Variants in PCDHGA9 observed in about 807,000 individuals in gnomAD.
PCDHGA9 encodes the protein protocadherin gamma-A9.
In PCDHGA9, 37 loss-of-function variants were observed where a neutral mutation model predicts 62.5. The ratio of observed to expected loss-of-function variants is 0.59; its 90% CI spans 0.46 to 0.78. The LOEUF is 0.78. Ranked by LOEUF, PCDHGA9 falls within the 30% of genes least tolerant of loss-of-function variation. The pLI is 0.00. For missense variants in PCDHGA9, 1,138 were observed against 1,166.2 expected (o/e 0.98, Z 0.35); for synonymous variants, 459 against 484.6 (o/e 0.95, Z 0.69).
intron 1 of PCDHGA9, among the ~76,000 whole-genome samples, chr5:141,465,063 C>T (rs187265709): frequency 8.5e-4 from 129 of 151,534 alleles, no homozygotes; most frequent in South Asian, 1.3e-3. Context: ...TTTGAATTGT[C>T]TGTTCATGTC....
rs61612330 is a variant in PCDHGA9, at chr5:141,454,796, A to ATTTTTTTTTTTT, written c.2425-39993_2425-39982dup. Among the ~76,000 whole-genome samples, 573 of 77,460 alleles carry ATTTTTTTTTTTT rather than the reference A, an allele frequency of 7.4e-3. 68 individuals carry two copies. Among genetic ancestry groups the ATTTTTTTTTTTT allele is most frequent in the Non-Finnish European group, 9.0e-3 (384 of 42,814 alleles). The allele number at this position is 77,460 out of a possible 152,430, so 50.8% of individuals were successfully genotyped here. A position where few individuals can be genotyped will look rare whatever the true frequency, so the allele number is the denominator to read the frequency against. On this transcript the variant is annotated intron_variant, in intron 1 of 3. Coordinates refer to ENST00000573521, the MANE Select transcript of PCDHGA9 (RefSeq NM_018921.3). ...AAGGAAATAATCCTCCATGGTTCTA[A>ATTTTTTTTTTTT]TTTTTTTTTTTTTTTTTTTTTTTTT...
In PCDHGA9 at chr5:141,432,645, C is replaced by T. The variant is rs758701539; in HGVS notation, c.2424+27269C>T. On this transcript the variant is annotated intron_variant, in intron 1 of 3. Coordinates refer to ENST00000573521, the MANE Select transcript of PCDHGA9 (RefSeq NM_018921.3). The surrounding 1 kb of genome is among the most constrained non-coding windows in gnomAD (Gnocchi z 6.0). Reference sequence around the variant, plus strand: ...CTGCACACGGGCGAGGTGCGCACGGCGCGAGCCCTGCTGGACAGAGACGCG... The same window carrying T: ...CTGCACACGGGCGAGGTGCGCACGGTGCGAGCCCTGCTGGACAGAGACGCG... 1 of 1,613,746 alleles carries T rather than the reference C, an allele frequency of 6.2e-7. No homozygotes were observed. Among genetic ancestry groups the T allele is most frequent in the Admixed American group, 1.7e-5 (1 of 60,006 alleles).
At chr5:141,428,185 G>T (rs775261215) in intron 1 of PCDHGA9, 286 of 1,446,232 alleles carry the variant, frequency 2.0e-4, no homozygotes, top group Non-Finnish European at 2.5e-4. Context: ...GAGGACAGCC[G>T]CCGCTCTCTG....
At chr5:141,456,968 AAAAC>A (rs202005606) in intron 1 of PCDHGA9, among the ~76,000 whole-genome samples, 2,421 of 152,270 alleles carry the variant, frequency 0.016, 37 homozygotes, top group Non-Finnish European at 0.025. Context: ...ATCTCAAAAC[AAAAC>A]AAACAAACAA....
In PCDHGA9 at chr5:141,431,766, C is replaced by T. The variant is rs1474420822; in HGVS notation, c.2424+26390C>T. Reference sequence around the variant, plus strand: ...TCTGCGCGAGCCAAAGTCCTGATCACTGTTCTGGACGTGAACGACAATGCC... The same window carrying T: ...TCTGCGCGAGCCAAAGTCCTGATCATTGTTCTGGACGTGAACGACAATGCC... On this transcript the variant is annotated intron_variant, in intron 1 of 3. Transcript: ENST00000573521. The surrounding 1 kb of genome is among the most constrained non-coding windows in gnomAD (Gnocchi z 4.8). 2.5e-6 allele frequency: 4 copies of T among 1,614,196 alleles called. No individual in the cohort carries two copies. Among genetic ancestry groups the T allele is most frequent in the Non-Finnish European group, 3.4e-6 (4 of 1,180,010 alleles).
At position 141,404,452 on chromosome 5, in the gene PCDHGA9, T is replaced by G. The variant is rs1197188094; in HGVS notation, c.1500T>G (p.Pro500=). Residue 500 remains proline, a synonymous_variant, in exon 1 of 4, where the codon CCT becomes CCG. Coordinates refer to ENST00000573521, the MANE Select transcript of PCDHGA9 (RefSeq NM_018921.3). ...CAGAGGATACCATCCAAGGGTCTCC[T>G]CTCTCCACCTATGTCTCTATTAACT... ...SLAEDTIQGS[P]LSTYVSINSD... is the part of the protein sequence containing the mutation. 2.5e-6 allele frequency: 4 copies of G among 1,613,228 alleles called. No homozygotes were observed. Among genetic ancestry groups the G allele is most frequent in the Non-Finnish European group, 3.4e-6 (4 of 1,179,252 alleles).
chr5:141,455,149 TTA>T (rs537241375), intron 1 of PCDHGA9, among the ~76,000 whole-genome samples: 1 of 148,248 alleles, frequency 6.7e-6, no homozygotes, highest in Non-Finnish European at 1.5e-5. Context: ...TAAATAAATA[TTA>T]GTTTGTTGGT....
In PCDHGA9 at chr5:141,405,176, G is replaced by A. The variant is rs917679696; in HGVS notation, c.2224G>A (p.Gly742Ser). 1.9e-6 allele frequency: 3 copies of A among 1,614,068 alleles called. No individual in the cohort carries two copies. The highest frequency in any genetic ancestry group is 2.5e-6 in the Non-Finnish European group (3 of 1,180,008). ...LAGVPTSHFV[G>S]VDGVRAFLQT... Reference sequence around the variant, plus strand: ...TGGTGTGCCCACCTCACACTTTGTGGGTGTAGATGGGGTTCGAGCTTTCCT... The same window carrying A: ...TGGTGTGCCCACCTCACACTTTGTGAGTGTAGATGGGGTTCGAGCTTTCCT... The change falls in exon 1 of 4, where the codon GGT (glycine) becomes AGT (serine). Residue 742 changes from glycine (G) to serine (S), a missense_variant. Transcript: ENST00000573521.
chr5:141,480,402 G>A (rs1268532373), intron 1 of PCDHGA9, among the ~76,000 whole-genome samples: 2 of 145,838 alleles, frequency 1.4e-5, no homozygotes, highest in African/African-American at 2.6e-5. Flanking sequence ...GCAATAGAGT[G>A]AGACCCTGTC....
intron 1 of PCDHGA9, among the ~76,000 whole-genome samples, chr5:141,433,594 G>A (rs1331681563): frequency 1.3e-5 from 2 of 152,086 alleles, no homozygotes; most frequent in Admixed American, 1.3e-4. Context: ...CCAGTACTTT[G>A]GGAGGCCGAG....
At chr5:141,468,960 T>TC (rs1562019766) in intron 1 of PCDHGA9, among the ~76,000 whole-genome samples, 1 of 151,348 alleles carries the variant, frequency 6.6e-6, no homozygotes, top group African/African-American at 2.4e-5. Flanking sequence ...TGGTTTTTTT[T>TC]ACCTTAGGCT....
At chr5:141,414,414 C>T (rs376404716) in intron 1 of PCDHGA9, 4 of 1,613,830 alleles carry the variant, frequency 2.5e-6, no homozygotes, top group South Asian at 1.1e-5. Context: ...TACACAGAGC[C>T]CTTGACAGGG....
chr5:141,485,993 A>C lies in PCDHGA9; in HGVS notation c.2425-8814A>C. 6.2e-7 allele frequency: 1 copy of C among 1,614,210 alleles called. No homozygotes were observed. Among genetic ancestry groups the C allele is most frequent in the Non-Finnish European group, 8.5e-7 (1 of 1,180,028 alleles). On this transcript the variant is annotated intron_variant, in intron 1 of 3. Coordinates refer to ENST00000573521, the MANE Select transcript of PCDHGA9 (RefSeq NM_018921.3). The surrounding 1 kb of genome is among the most constrained non-coding windows in gnomAD (Gnocchi z 5.7). ...TGCCTCAGACCCGGACCTGGGTCCC[A>C]GTGGTAACGTCACCTTTTATTTCAG...
chr5:141,503,222 G>C (rs540244346), intron 2 of PCDHGA9, among the ~76,000 whole-genome samples: 1 of 152,120 alleles, frequency 6.6e-6, no homozygotes, highest in Middle Eastern at 3.4e-3. Context: ...CATGAGCACC[G>C]TAAAGATGGA....
chr5:141,462,242 G>A (rs1325040495), intron 1 of PCDHGA9, among the ~76,000 whole-genome samples: 3 of 152,234 alleles, frequency 2.0e-5, no homozygotes, highest in Non-Finnish European at 4.4e-5. Context: ...TTACAGGTAT[G>A]AGCCACCATG....
intron 2 of PCDHGA9, among the ~76,000 whole-genome samples, chr5:141,504,960 T>C (rs9324851): frequency 0.59 from 89,328 of 151,916 alleles, 27,885 homozygotes; most frequent in African/African-American, 0.8. Context: ...TTCAATGCAT[T>C]GGACCAGCCT....
At chr5:141,455,160 GT>G (rs59530096) in intron 1 of PCDHGA9, among the ~76,000 whole-genome samples, 102 of 149,212 alleles carry the variant, frequency 6.8e-4, no homozygotes, top group East Asian at 7.9e-4. Flanking sequence ...TAGTTTGTTG[GT>G]TTTTTTTTTA....
At chr5:141,456,309 A>T (rs1305324857) in intron 1 of PCDHGA9, among the ~76,000 whole-genome samples, 1 of 152,138 alleles carries the variant, frequency 6.6e-6, no homozygotes, top group Non-Finnish European at 1.5e-5. Flanking sequence ...AACAGCAGCT[A>T]GGGCTCCTCC....
chr5:141,485,116 G>T lies in PCDHGA9; in HGVS notation c.2425-9691G>T, dbSNP rs904145668. ...TGTCTCCAGCTGCTGTGGCTGTTTGGGGCGGGTCGGCTTCATCCGCGTCTC... is the reference window on the plus strand; with the variant it reads ...TGTCTCCAGCTGCTGTGGCTGTTTGTGGCGGGTCGGCTTCATCCGCGTCTC... On this transcript the variant is annotated intron_variant, in intron 1 of 3. Coordinates refer to ENST00000573521, the MANE Select transcript of PCDHGA9 (RefSeq NM_018921.3). This position sits in a 1 kb window ranked among gnomAD's most constrained non-coding sequence, Gnocchi z 5.7. 3.0e-6 allele frequency: 4 copies of T among 1,312,058 alleles called. No homozygotes were observed. The African/African-American group carries it at 5.8e-5, about 19-fold the overall frequency. 81.3% of individuals were successfully genotyped at this position (1,312,058 alleles called of 1,614,324 possible).
Sources: gnomAD v4.1 joint callset for allele counts (sites outside exome capture counted in the v4.1 genomes callset) on GRCh38, gnomAD v4.1.1 for gene constraint, Gnocchi (gnomAD v3.1) non-coding constraint, MANE v1.5 for transcripts, NCBI Gene and HGNC (gene_info 2026-07-23, HGNC 2026-07-21) for gene names.